LINGO2: variants seen among roughly 807,000 people sequenced by gnomAD.
LINGO2 encodes the protein leucine-rich repeat and immunoglobulin-like domain-containing nogo receptor-interacting protein 2.
Under a neutral mutation model 30.6 loss-of-function variants are expected in LINGO2, and 14 were observed. That is an observed-to-expected ratio of 0.46 (90% CI 0.30 to 0.72). The LOEUF is 0.72. Among genes scored for constraint, LINGO2 ranks in the 30% least tolerant of loss-of-function variants. The probability of loss-of-function intolerance (pLI) is 0.07; values close to 1 mark genes in which losing one functional copy is unlikely to be tolerated. For synonymous variants in LINGO2, 317 were observed against 288.5 expected, an observed-to-expected ratio of 1.10 and a Z score of -1.00; for missense variants, 729 against 751.7, an observed-to-expected ratio of 0.97 and a Z score of 0.35.
chr9:29,005,396 C>T, the LINGO2 span, among the ~76,000 whole-genome samples: 1 of 151,784 alleles, frequency 6.6e-6, no homozygotes, highest in South Asian at 2.1e-4. Context: ...AGAGTCATCC[C>T]TGGTATCTAT....
chr9:28,148,464 C>T lies in LINGO2; in HGVS notation c.-86-136059G>A, dbSNP rs1004560864. On this transcript the variant is annotated intron_variant, in intron 4 of 5. Transcript: ENST00000379992. This position sits in a 1 kb window ranked among gnomAD's most constrained non-coding sequence, Gnocchi z 5.1. ...AGGGCAGAAGAGCCCAGAGAAGCAACGGAGGTGACAGACCAGGTAGAGACC... is the reference window on the plus strand; with the variant it reads ...AGGGCAGAAGAGCCCAGAGAAGCAATGGAGGTGACAGACCAGGTAGAGACC... The T allele has an allele frequency of 7.7e-5, 109 of 1,414,578 alleles. No individual in the cohort carries two copies. Among genetic ancestry groups the T allele is most frequent in the Admixed American group, 1.2e-4 (6 of 50,774 alleles). 87.6% of individuals were successfully genotyped at this position (1,414,578 alleles called of 1,614,324 possible). A position where few individuals can be genotyped will look rare whatever the true frequency, so the allele number is the denominator to read the frequency against.
chr9:28,823,292 G>A, the LINGO2 span, among the ~76,000 whole-genome samples: 1 of 152,122 alleles, frequency 6.6e-6, no homozygotes, highest in Non-Finnish European at 1.5e-5. Context: ...ATGACAGTGG[G>A]CCACTAAATG....
intron 4 of LINGO2, among the ~76,000 whole-genome samples, chr9:28,274,016 C>A (rs1375154944): frequency 6.6e-6 from 1 of 151,996 alleles, no homozygotes; most frequent in Non-Finnish European, 1.5e-5. Flanking sequence ...CTTAAGAGAC[C>A]ATTATATCAA....
intron 4 of LINGO2, among the ~76,000 whole-genome samples, chr9:28,032,751 C>T (rs1823744430): frequency 6.6e-6 from 1 of 152,192 alleles, no homozygotes; most frequent in Non-Finnish European, 1.5e-5. Context: ...CTGCCAGAAA[C>T]ACTCCACATT....
intron 1 of LINGO2, among the ~76,000 whole-genome samples, chr9:28,660,716 A>G (rs1334093529): frequency 6.6e-6 from 1 of 152,124 alleles, no homozygotes; most frequent in African/African-American, 2.4e-5. Context: ...TTCTAGGCAT[A>G]ATGGTTATGC....
At chr9:29,002,867 G>C in the LINGO2 span, among the ~76,000 whole-genome samples, 13 of 151,898 alleles carry the variant, frequency 8.6e-5, no homozygotes, top group Admixed American at 7.9e-4. Flanking sequence ...TCCCCAAAAA[G>C]ATAGGTCCAA....
chr9:28,249,254 C>T (rs1318574654), intron 4 of LINGO2, among the ~76,000 whole-genome samples: 1 of 152,042 alleles, frequency 6.6e-6, no homozygotes, highest in African/African-American at 2.4e-5. Flanking sequence ...ACCTAAAACT[C>T]TCTACAGTAA....
In LINGO2 at chr9:28,161,432, A is replaced by T. The variant is rs143019258; in HGVS notation, c.-87+133776T>A. The stretch of plus-strand genomic sequence containing the variant: ...AAAAGATATAAGTGTAATGACAATA[A>T]TTTTTTCATTCAGTAATAAGTGAAA... On this transcript the variant is annotated intron_variant, in intron 4 of 5. Coordinates refer to ENST00000379992, the Ensembl canonical transcript of LINGO2. Among the ~76,000 whole-genome samples the T allele has an allele frequency of 1.8e-4, 28 of 152,276 alleles. No homozygotes were observed. In the East Asian group the frequency reaches 4.0e-3, roughly 22 times the overall value.
At chr9:28,736,059 A>G in the LINGO2 span, among the ~76,000 whole-genome samples, 15 of 152,322 alleles carry the variant, frequency 9.8e-5, no homozygotes, top group African/African-American at 3.6e-4. Flanking sequence ...AACACTGAGG[A>G]AGAAGTTGTC....
At chr9:28,899,378 C>A in the LINGO2 span, among the ~76,000 whole-genome samples, 1 of 152,138 alleles carries the variant, frequency 6.6e-6, no homozygotes, top group Admixed American at 6.5e-5. Flanking sequence ...CAGGCCAATC[C>A]CCATAAACTC....
At chr9:29,111,254 C>T in the LINGO2 span, among the ~76,000 whole-genome samples, 1 of 152,134 alleles carries the variant, frequency 6.6e-6, no homozygotes, top group African/African-American at 2.4e-5. Flanking sequence ...ATGTCAATCA[C>T]TGTACCATGT....
chr9:28,013,754 C>A (rs959103499), intron 4 of LINGO2, among the ~76,000 whole-genome samples: 1 of 151,950 alleles, frequency 6.6e-6, no homozygotes, highest in Non-Finnish European at 1.5e-5. Context: ...TTTTCTATAC[C>A]CCTACTTTCA....
At chr9:28,877,528 T>C in the LINGO2 span, among the ~76,000 whole-genome samples, 2 of 152,142 alleles carry the variant, frequency 1.3e-5, no homozygotes, top group Admixed American at 1.3e-4. Context: ...CCATTGCTTG[T>C]TTTTCTCAGG....
intron 4 of LINGO2, among the ~76,000 whole-genome samples, chr9:28,106,773 T>C (rs1417275828): frequency 3.9e-5 from 6 of 152,172 alleles, no homozygotes; most frequent in African/African-American, 1.2e-4. Flanking sequence ...TTGGTTACTT[T>C]ATCTGTAAAC....
the LINGO2 span, among the ~76,000 whole-genome samples, chr9:28,891,569 G>C: frequency 6.6e-6 from 1 of 151,792 alleles, no homozygotes; most frequent in Admixed American, 6.6e-5. Flanking sequence ...AATGAAGTCT[G>C]GTACCTTTGG....
At chr9:28,797,339 T>C in the LINGO2 span, among the ~76,000 whole-genome samples, 1 of 66,492 alleles carries the variant, frequency 1.5e-5, no homozygotes, top group Admixed American at 1.8e-4. Context: ...CATATATATA[T>C]ATATATATAT....
At chr9:28,102,797 A>G (rs1355258529) in intron 4 of LINGO2, among the ~76,000 whole-genome samples, 1 of 152,142 alleles carries the variant, frequency 6.6e-6, no homozygotes, top group Non-Finnish European at 1.5e-5. Context: ...GCTTGTACCT[A>G]CTATGACTAT....
chr9:28,118,439 C>G (rs779070140), intron 4 of LINGO2, among the ~76,000 whole-genome samples: 1 of 152,080 alleles, frequency 6.6e-6, no homozygotes, highest in Admixed American at 6.5e-5. Context: ...CTAATAAGTA[C>G]GCTTGTTAGT....
At chr9:28,553,374 G>A (rs777552253) in intron 1 of LINGO2, among the ~76,000 whole-genome samples, 42 of 151,994 alleles carry the variant, frequency 2.8e-4, no homozygotes, top group Non-Finnish European at 5.7e-4. Context: ...GAGCCGATGT[G>A]ATCAATTGGA....
Sources: allele counts gnomAD v4.1 joint callset (sites outside exome capture counted in the v4.1 genomes callset), GRCh38; gene constraint gnomAD v4.1.1; non-coding constraint Gnocchi (gnomAD v3.1); transcripts MANE v1.5; gene names NCBI Gene and HGNC (gene_info 2026-07-23, HGNC 2026-07-21).